The following SUGCT variants were observed in gnomAD, a reference collection of about 807,000 sequenced individuals.
SUGCT encodes the protein succinyl-CoA:glutarate-CoA transferase.
In SUGCT, 41 loss-of-function variants were observed where a neutral mutation model predicts 55.0. The ratio of observed to expected loss-of-function variants is 0.74; its 90% CI spans 0.58 to 0.97. SUGCT has a LOEUF of 0.97. Ranked by LOEUF, SUGCT falls within the 50% of genes least tolerant of loss-of-function variation. The pLI is 0.00. For synonymous variants in SUGCT, 187 were observed against 200.4 expected, an observed-to-expected ratio of 0.93 and a Z score of 0.56; for missense variants, 568 against 547.8, an observed-to-expected ratio of 1.04 and a Z score of -0.37.
chr7:40,428,916 T>G (rs1787743781), intron 9 of SUGCT, among the ~76,000 whole-genome samples: 1 of 152,218 alleles, frequency 6.6e-6, no homozygotes, highest in East Asian at 1.9e-4. Flanking sequence ...AGAGGATACC[T>G]CTTGTAACGC....
chr7:40,905,705 A>T, the SUGCT span, among the ~76,000 whole-genome samples: 4 of 149,312 alleles, frequency 2.7e-5, no homozygotes, highest in Non-Finnish European at 4.5e-5. Context: ...ACCATTTTAA[A>T]TTTTTTTTTT....
At chr7:40,167,097 C>CA (rs1460135967) in intron 1 of SUGCT, among the ~76,000 whole-genome samples, 1 of 152,150 alleles carries the variant, frequency 6.6e-6, no homozygotes, top group Non-Finnish European at 1.5e-5. Flanking sequence ...CACAAATGTT[C>CA]ACAGCATCTT....
At chr7:40,541,161 A>G (rs917826876) in intron 12 of SUGCT, among the ~76,000 whole-genome samples, 2 of 152,196 alleles carry the variant, frequency 1.3e-5, no homozygotes, top group African/African-American at 4.8e-5. Context: ...AAATAGACCC[A>G]TGAAGATTAA....
chr7:40,599,332 T>C (rs996930193), intron 12 of SUGCT, among the ~76,000 whole-genome samples: 1 of 152,200 alleles, frequency 6.6e-6, no homozygotes, highest in Admixed American at 6.5e-5. Context: ...AGGAATGTTT[T>C]TATTTAAAAT....
At chr7:40,705,464 G>A (rs1388571141) in intron 12 of SUGCT, among the ~76,000 whole-genome samples, 1 of 152,102 alleles carries the variant, frequency 6.6e-6, no homozygotes, top group Non-Finnish European at 1.5e-5. Context: ...GTGTTATTGA[G>A]AAGCAGTGAT....
At chr7:40,957,982 A>G in the SUGCT span, among the ~76,000 whole-genome samples, 5 of 152,238 alleles carry the variant, frequency 3.3e-5, no homozygotes, top group Admixed American at 6.5e-5. Context: ...ACAATGTTGC[A>G]TTTTGGCCCC....
chr7:40,409,933 A>G (rs1345300545), intron 9 of SUGCT, among the ~76,000 whole-genome samples: 1 of 152,018 alleles, frequency 6.6e-6, no homozygotes, highest in Non-Finnish European at 1.5e-5. Context: ...GCACTAGTGA[A>G]CCCTCATAAT....
intron 1 of SUGCT, among the ~76,000 whole-genome samples, chr7:40,171,847 T>C (rs1172813258): frequency 6.6e-6 from 1 of 152,254 alleles, no homozygotes; most frequent in Non-Finnish European, 1.5e-5. Flanking sequence ...AAGGTAGTAT[T>C]GGAGTGTTAT....
chr7:40,664,973 C>G (rs2151860123), intron 12 of SUGCT, among the ~76,000 whole-genome samples: 2 of 126,008 alleles, frequency 1.6e-5, no homozygotes, highest in South Asian at 4.8e-4. Flanking sequence ...GTGAGAGACT[C>G]TGTCTCAAAA....
intron 7 of SUGCT, among the ~76,000 whole-genome samples, chr7:40,260,810 C>A (rs1381182350): frequency 1.3e-5 from 2 of 152,090 alleles, no homozygotes; most frequent in African/African-American, 4.8e-5. Flanking sequence ...CGCCACCATG[C>A]CTGGCTAATT....
chr7:40,808,715 T>G lies in SUGCT; in HGVS notation c.1154-51601T>G, dbSNP rs898881486. ...CTTTTATACAAAAATATCTCTTGTG[T>G]GTGTCATTCAGACAGATTGTTTTCC... On this transcript the variant is annotated intron_variant, in intron 13 of 13. Transcript: ENST00000335693. 3.3e-5 allele frequency among the ~76,000 whole-genome samples: 5 copies of G among 152,348 alleles called. No individual in the cohort carries two copies. The East Asian group carries it at 9.6e-4, about 29-fold the overall frequency.
intron 13 of SUGCT, 102 bp from the exon 14 acceptor site, chr7:40,860,214 T>G (rs1794424004): frequency 2.2e-6 from 3 of 1,378,646 alleles, no homozygotes; most frequent in Non-Finnish European, 3.1e-6. Flanking sequence ...TGGCACTCAT[T>G]GATATTTTTG....
At chr7:40,293,769 T>G (rs557541044) in intron 8 of SUGCT, among the ~76,000 whole-genome samples, 5 of 152,314 alleles carry the variant, frequency 3.3e-5, no homozygotes, top group South Asian at 2.1e-4. Flanking sequence ...TACTATCATT[T>G]GATACTCCTA....
At chr7:40,338,872 G>A (rs1796877383) in intron 9 of SUGCT, among the ~76,000 whole-genome samples, 1 of 152,116 alleles carries the variant, frequency 6.6e-6, no homozygotes, top group Non-Finnish European at 1.5e-5. Context: ...CCCCATCTTT[G>A]TGGTTTTATC....
chr7:40,708,076 C>T (rs1785513788), intron 12 of SUGCT, among the ~76,000 whole-genome samples: 1 of 152,126 alleles, frequency 6.6e-6, no homozygotes. Context: ...CACCTTTCAG[C>T]TTCAGGAATA....
intron 12 of SUGCT, among the ~76,000 whole-genome samples, chr7:40,572,946 TGCG>T (rs1562871025): frequency 2.6e-5 from 4 of 152,178 alleles, no homozygotes; most frequent in Non-Finnish European, 5.9e-5. Flanking sequence ...ATCTGTCCTC[TGCG>T]TTATTTGGAG....
intron 13 of SUGCT, among the ~76,000 whole-genome samples, chr7:40,858,510 T>G (rs771797845): frequency 4.6e-5 from 7 of 151,570 alleles, no homozygotes; most frequent in Non-Finnish European, 1.0e-4. Flanking sequence ...TAAAGTCACA[T>G]GACATTGACT....
At chr7:40,433,032 C>G (rs941010423) in intron 9 of SUGCT, among the ~76,000 whole-genome samples, 1 of 151,986 alleles carries the variant, frequency 6.6e-6, no homozygotes, top group Non-Finnish European at 1.5e-5. Flanking sequence ...TGATAATTTA[C>G]AATGACCCAT....
At chr7:40,949,398 T>C in the SUGCT span, among the ~76,000 whole-genome samples, 1 of 152,158 alleles carries the variant, frequency 6.6e-6, no homozygotes, top group East Asian at 1.9e-4. Flanking sequence ...TCTCCCATTC[T>C]GTAGGTTGCC....
Sources: gnomAD v4.1 joint callset for allele counts (sites outside exome capture counted in the v4.1 genomes callset) on GRCh38, gnomAD v4.1.1 for gene constraint, MANE v1.5 for transcripts, NCBI Gene and HGNC (gene_info 2026-07-23, HGNC 2026-07-21) for gene names.